The following CASS4 variants were observed in gnomAD, a reference collection of about 807,000 sequenced individuals.
CASS4 encodes cas scaffolding protein family member 4.
Under a neutral mutation model 54.2 loss-of-function variants are expected in CASS4, and 22 were observed. The observed-to-expected ratio is 0.41, with a 90% CI of 0.29 to 0.58. The LOEUF (loss-of-function observed/expected upper bound fraction) is 0.58, where lower values mean the gene tolerates loss of function less well. Among genes scored for constraint, CASS4 ranks in the 20% least tolerant of loss-of-function variants. The pLI is 0.36. For synonymous variants in CASS4, 409 were observed against 391.5 expected, an observed-to-expected ratio of 1.04 and a Z score of -0.53; for missense variants, 854 against 986.7, an observed-to-expected ratio of 0.87 and a Z score of 1.80.
intron 1 of CASS4, among the ~76,000 whole-genome samples, chr20:56,425,294 G>T (rs1387998753): frequency 6.6e-6 from 1 of 152,216 alleles, no homozygotes. Context: ...CTAAACTTCT[G>T]TGACTCTTAA....
At chr20:56,438,304 T>G (rs1295370847) in intron 2 of CASS4, among the ~76,000 whole-genome samples, 1 of 148,198 alleles carries the variant, frequency 6.7e-6, no homozygotes, top group Non-Finnish European at 1.5e-5. Context: ...AAAAAAAAAG[T>G]ATATCCCCTT....
intron 2 of CASS4, among the ~76,000 whole-genome samples, chr20:56,444,602 G>A (rs552786282): frequency 1.3e-3 from 192 of 152,316 alleles, no homozygotes; most frequent in Non-Finnish European, 2.3e-3. Context: ...CTTGGCAGCT[G>A]TATTATTTTA....
intron 1 of CASS4, among the ~76,000 whole-genome samples, chr20:56,420,471 C>T (rs1979358156): frequency 6.6e-6 from 1 of 152,120 alleles, no homozygotes; most frequent in African/African-American, 2.4e-5. Context: ...TCACTACAAC[C>T]TCAAACTCCT....
intron 5 of CASS4, among the ~76,000 whole-genome samples, chr20:56,456,495 T>C (rs1455551497): frequency 6.6e-6 from 1 of 152,000 alleles, no homozygotes. Context: ...TGCCTCAGCC[T>C]CCTGAGTAGC....
At chr20:56,428,595 C>T (rs552829957) in intron 1 of CASS4, among the ~76,000 whole-genome samples, 121 of 152,328 alleles carry the variant, frequency 7.9e-4, no homozygotes, top group African/African-American at 2.8e-3. Flanking sequence ...TTACGCCTGG[C>T]CTGTCTCACT....
chr20:56,452,709 CCTT>C lies in CASS4; in HGVS notation c.1535_1537del (p.Leu512del). 6.2e-7 allele frequency: 1 copy of C among 1,614,152 alleles called. No homozygotes were observed. Among genetic ancestry groups the C allele is most frequent in the Non-Finnish European group, 8.5e-7 (1 of 1,180,032 alleles). ...CTGCCTGTAACCTCACTGACAGTAA[CCTT>C]CAGAACAGAATTCGGGACCAGATGC... On this transcript the variant is annotated inframe_deletion, in exon 5 of 6. Coordinates refer to ENST00000679887, the MANE Select transcript of CASS4 (RefSeq NM_020356.4).
In CASS4 at chr20:56,430,401, T is replaced by C. The variant is rs1979849021; in HGVS notation, c.37-6763T>C. Among the ~76,000 whole-genome samples, 1 of 152,238 alleles carries C rather than the reference T, an allele frequency of 6.6e-6. No individual in the cohort carries two copies. Among genetic ancestry groups the C allele is most frequent in the South Asian group, 2.1e-4 (1 of 4,830 alleles). On this transcript the variant is annotated intron_variant, in intron 1 of 5. Transcript: ENST00000679887. The surrounding 1 kb of genome is among the most constrained non-coding windows in gnomAD (Gnocchi z 4.2). ...AATCGTTTAAGAACATTTCTTCCAT[T>C]GTACCCAGAATCTAACTGCTTGTGT...
At position 56,459,918 on chromosome 20, in the gene CASS4, G is replaced by A. The variant is rs530579589; in HGVS notation, c.*1171G>A. ...TAGGGGAGTCAGGCAGTAAAGCGGT[G>A]AAGAAATACATACACAGTATAGCAG... On this transcript the variant is annotated 3_prime_UTR_variant, in exon 6 of 6. Coordinates refer to ENST00000679887, the MANE Select transcript of CASS4 (RefSeq NM_020356.4). 1 of 152,232 alleles carries A rather than the reference G, an allele frequency of 6.6e-6. No homozygotes were observed. The highest frequency in any genetic ancestry group is 6.5e-5 in the Admixed American group (1 of 15,282). The allele number at this position is 152,232 out of a possible 1,614,324, so 9.4% of individuals were successfully genotyped here. A position where few individuals can be genotyped will look rare whatever the true frequency, so the allele number is the denominator to read the frequency against.
Position 56,412,387 on chromosome 20 carries a change from C to T in CASS4, c.-72C>T. 2.0e-6 allele frequency: 3 copies of T among 1,501,304 alleles called. No individual in the cohort carries two copies. The highest frequency in any genetic ancestry group is 2.8e-6 in the Non-Finnish European group (3 of 1,085,168). The allele number at this position is 1,501,304 out of a possible 1,614,324, so 93.0% of individuals were successfully genotyped here. A position where few individuals can be genotyped will look rare whatever the true frequency, so the allele number is the denominator to read the frequency against. On this transcript the variant is annotated 5_prime_UTR_variant, in exon 1 of 6. Coordinates refer to ENST00000679887, the MANE Select transcript of CASS4 (RefSeq NM_020356.4). The surrounding 1 kb of genome is among the most constrained non-coding windows in gnomAD (Gnocchi z 4.2). ...AGAACCAGCCAGAAGCATGCAGTGA[C>T]ATTGCACAATCTGCCTCTGAAGCTG...
chr20:56,441,906 C>T (rs896213060), intron 2 of CASS4, among the ~76,000 whole-genome samples: 15 of 152,180 alleles, frequency 9.9e-5, no homozygotes, highest in Middle Eastern at 3.2e-3. Context: ...AACTTGAAGA[C>T]CAGTTAACAA....
At chr20:56,447,584 C>T (rs1440742873) in intron 3 of CASS4, among the ~76,000 whole-genome samples, 1 of 152,258 alleles carries the variant, frequency 6.6e-6, no homozygotes, top group African/African-American at 2.4e-5. Context: ...GTGCCCCCCA[C>T]CTCCTACCCC....
chr20:56,415,077 C>A (rs1979065647), intron 1 of CASS4, among the ~76,000 whole-genome samples: 1 of 152,184 alleles, frequency 6.6e-6, no homozygotes, highest in Non-Finnish European at 1.5e-5. Context: ...GGAATCAACC[C>A]CAGGCAGACT....
intron 1 of CASS4, among the ~76,000 whole-genome samples, chr20:56,424,701 A>G (rs1024296715): frequency 1.4e-5 from 2 of 143,504 alleles, no homozygotes; most frequent in Non-Finnish European, 3.0e-5. Context: ...AGATCGCACC[A>G]CTGCATTCCA....
chr20:56,444,754 C>T (rs1453683053), intron 2 of CASS4, among the ~76,000 whole-genome samples: 1 of 152,198 alleles, frequency 6.6e-6, no homozygotes, highest in African/African-American at 2.4e-5. Flanking sequence ...GACCCAGGTT[C>T]CATGGCTGAG....
chr20:56,415,772 T>C (rs1277565140), intron 1 of CASS4, among the ~76,000 whole-genome samples: 1 of 152,226 alleles, frequency 6.6e-6, no homozygotes, highest in African/African-American at 2.4e-5. Context: ...ACAGGGACTG[T>C]TCTCGCAAGC....
At position 56,451,802 on chromosome 20, in the gene CASS4, G is replaced by A; in HGVS notation, c.643-17G>A. On this transcript the variant is annotated splice_polypyrimidine_tract_variant and intron_variant, in intron 4 of 5. Coordinates refer to ENST00000679887, the MANE Select transcript of CASS4 (RefSeq NM_020356.4). ...GGAAAGCTACTAACCCGGCAACTAT[G>A]TGTGGTTCTCCCACAGGGGCAGGGT... is the stretch of plus-strand genomic sequence containing the variant. The A allele has an allele frequency of 6.3e-7, 1 of 1,589,586 alleles. No individual in the cohort carries two copies. Among genetic ancestry groups the A allele is most frequent in the Non-Finnish European group, 8.6e-7 (1 of 1,162,782 alleles).
At chr20:56,419,364 C>T (rs1335059011) in intron 1 of CASS4, among the ~76,000 whole-genome samples, 1 of 152,164 alleles carries the variant, frequency 6.6e-6, no homozygotes, top group African/African-American at 2.4e-5. Context: ...AAAGCATAGT[C>T]GACACTGAGA....
At chr20:56,427,597 G>A (rs1979706543) in intron 1 of CASS4, among the ~76,000 whole-genome samples, 1 of 152,036 alleles carries the variant, frequency 6.6e-6, no homozygotes, top group South Asian at 2.1e-4. Flanking sequence ...GTTGAGTCTG[G>A]GCACAGCTAC....
intron 1 of CASS4, among the ~76,000 whole-genome samples, chr20:56,431,318 T>G (rs905545648): frequency 2.0e-5 from 3 of 152,234 alleles, no homozygotes; most frequent in Admixed American, 6.5e-5. Flanking sequence ...ACTTTGCACA[T>G]GCATTTCATT....
Sources: gnomAD v4.1 joint callset for allele counts (sites outside exome capture counted in the v4.1 genomes callset) on GRCh38, gnomAD v4.1.1 for gene constraint, Gnocchi (gnomAD v3.1) non-coding constraint, MANE v1.5 for transcripts, NCBI Gene and HGNC (gene_info 2026-07-23, HGNC 2026-07-21) for gene names.